The following ADAMTSL1 variants were observed in gnomAD, a reference collection of about 807,000 sequenced individuals.
ADAMTSL1 encodes the protein ADAMTS like 1.
Under a neutral mutation model 201.8 loss-of-function variants are expected in ADAMTSL1, and 126 were observed. The observed-to-expected ratio is 0.62, with a 90% CI of 0.54 to 0.72. The LOEUF (loss-of-function observed/expected upper bound fraction) is 0.72, where lower values mean the gene tolerates loss of function less well. ADAMTSL1 is among the 30% of genes least tolerant of loss of function. The pLI is 0.00. For synonymous variants in ADAMTSL1, 1,121 were observed against 903.4 expected, an observed-to-expected ratio of 1.24 and a Z score of -4.32; for missense variants, 2,679 against 2,277.8, an observed-to-expected ratio of 1.18 and a Z score of -3.59.
chr9:17,937,621 CTA>C (rs1827066434), intron 1 of ADAMTSL1, among the ~76,000 whole-genome samples: 1 of 151,708 alleles, frequency 6.6e-6, no homozygotes, highest in Non-Finnish European at 1.5e-5. Flanking sequence ...ATTTAAATTC[CTA>C]AAATCTTGTT....
chr9:18,551,919 A>T (rs2132226223), intron 3 of ADAMTSL1, among the ~76,000 whole-genome samples: 1 of 151,476 alleles, frequency 6.6e-6, no homozygotes, highest in African/African-American at 2.4e-5. Context: ...TTTCTCTTCA[A>T]CTCTGGCTGT....
chr9:18,891,372 A>G (rs1296669387), intron 25 of ADAMTSL1, among the ~76,000 whole-genome samples: 1 of 143,524 alleles, frequency 7.0e-6, no homozygotes, highest in Non-Finnish European at 1.5e-5. Flanking sequence ...CACTAAAACC[A>G]AAGAGTGGGA....
chr9:18,511,550 C>T (rs935101352), intron 2 of ADAMTSL1, among the ~76,000 whole-genome samples: 3 of 152,014 alleles, frequency 2.0e-5, no homozygotes, highest in African/African-American at 7.2e-5. Context: ...ATTCCAAAGG[C>T]ATGTGGCTGC....
intron 4 of ADAMTSL1, among the ~76,000 whole-genome samples, chr9:18,597,054 A>G (rs577219531): frequency 1.3e-5 from 2 of 152,312 alleles, no homozygotes; most frequent in South Asian, 4.1e-4. Flanking sequence ...GAGACCACAT[A>G]TTACTCATCT....
At chr9:18,130,206 G>C (rs1280102861) in intron 1 of ADAMTSL1, among the ~76,000 whole-genome samples, 3 of 152,088 alleles carry the variant, frequency 2.0e-5, no homozygotes, top group African/African-American at 7.2e-5. Flanking sequence ...TGCCTTCACA[G>C]GGGCATTTTC....
At chr9:18,811,094 G>T (rs974032624) in intron 20 of ADAMTSL1, among the ~76,000 whole-genome samples, 2 of 146,802 alleles carry the variant, frequency 1.4e-5, no homozygotes, top group African/African-American at 5.1e-5. Context: ...GGGAAGCATA[G>T]CAAGACAGAA....
intron 23 of ADAMTSL1, among the ~76,000 whole-genome samples, chr9:18,848,125 C>T (rs1200454943): frequency 6.6e-6 from 1 of 152,082 alleles, no homozygotes; most frequent in Non-Finnish European, 1.5e-5. Context: ...TCTGCCTGGC[C>T]CTGAGCTTCT....
At chr9:18,767,657 C>T (rs546779219) in intron 16 of ADAMTSL1, among the ~76,000 whole-genome samples, 3 of 152,322 alleles carry the variant, frequency 2.0e-5, no homozygotes, top group African/African-American at 7.2e-5. Flanking sequence ...TTCAATGCCA[C>T]AGACATTTAT....
chr9:18,053,576 C>T (rs1014564194), intron 1 of ADAMTSL1, among the ~76,000 whole-genome samples: 6 of 152,202 alleles, frequency 3.9e-5, no homozygotes, highest in Admixed American at 3.9e-4. Context: ...CCTTTCTTGT[C>T]TCAGTCTGAA....
chr9:18,653,619 GAA>G (rs10570129), intron 7 of ADAMTSL1, among the ~76,000 whole-genome samples: 88,986 of 137,884 alleles, frequency 0.65, 27,423 homozygotes, highest in East Asian at 0.77. Flanking sequence ...CTATGAAAAA[GAA>G]AAAAAAAAAA....
intron 22 of ADAMTSL1, among the ~76,000 whole-genome samples, chr9:18,828,695 A>ATATATATATAT (rs59734310): frequency 5.7e-4 from 23 of 40,202 alleles, no homozygotes; most frequent in South Asian, 8.7e-4. Flanking sequence ...TATATATATA[A>ATATATATATAT]AATGTGTGTG....
chr9:17,942,815 A>G (rs1476478886), intron 1 of ADAMTSL1, among the ~76,000 whole-genome samples: 1 of 152,140 alleles, frequency 6.6e-6, no homozygotes, highest in Non-Finnish European at 1.5e-5. Context: ...CTCAATAAAT[A>G]TAGGATTTCT....
At chr9:18,210,481 A>ATT (rs1473216790) in intron 2 of ADAMTSL1, among the ~76,000 whole-genome samples, 1 of 147,196 alleles carries the variant, frequency 6.8e-6, no homozygotes, top group Non-Finnish European at 1.5e-5. Flanking sequence ...TATGATATAT[A>ATT]AATAAATATA....
intron 9 of ADAMTSL1, among the ~76,000 whole-genome samples, chr9:18,672,751 C>G (rs1829898076): frequency 6.6e-6 from 1 of 152,190 alleles, no homozygotes; most frequent in South Asian, 2.1e-4. Context: ...ATTATATAAA[C>G]TTGTCATAAC....
rs1015972271 is a variant in ADAMTSL1 at position 18,909,322 on chromosome 9, G to A, written c.*774G>A. The A allele has an allele frequency of 3.3e-5, 5 of 152,334 alleles. No individual in the cohort carries two copies. The highest frequency in any genetic ancestry group is 7.2e-5 in the African/African-American group (3 of 41,472). 9.4% of individuals were successfully genotyped at this position (152,334 alleles called of 1,614,324 possible). A position where few individuals can be genotyped will look rare whatever the true frequency, so the allele number is the denominator to read the frequency against. Reference sequence around the variant, plus strand: ...GGACCAGCTCTGATCCCATGCATGTGCGCATGCTCAGAGCCCTGCTGCCCA... The same window carrying A: ...GGACCAGCTCTGATCCCATGCATGTACGCATGCTCAGAGCCCTGCTGCCCA... On this transcript the variant is annotated 3_prime_UTR_variant, in exon 29 of 29. Coordinates refer to ENST00000380548, the MANE Select transcript of ADAMTSL1 (RefSeq NM_001040272.6).
chr9:18,779,168 C>T (rs887819848), intron 19 of ADAMTSL1, among the ~76,000 whole-genome samples: 1 of 152,194 alleles, frequency 6.6e-6, no homozygotes, highest in East Asian at 1.9e-4. Flanking sequence ...CCCAAGATCA[C>T]ATTTTAGTAA....
intron 1 of ADAMTSL1, among the ~76,000 whole-genome samples, chr9:18,076,559 T>C (rs1267967591): frequency 2.0e-5 from 3 of 152,146 alleles, no homozygotes; most frequent in Non-Finnish European, 4.4e-5. Flanking sequence ...GGAAGCTGTC[T>C]TGAGAAAGAT....
intron 1 of ADAMTSL1, among the ~76,000 whole-genome samples, chr9:18,012,634 C>G (rs1405764868): frequency 6.6e-6 from 1 of 152,032 alleles, no homozygotes; most frequent in Admixed American, 6.6e-5. Context: ...TGACAGAACA[C>G]CTCACCCTGG....
chr9:18,614,488 G>A (rs1363415114), intron 4 of ADAMTSL1, among the ~76,000 whole-genome samples: 3 of 152,088 alleles, frequency 2.0e-5, no homozygotes, highest in African/African-American at 7.2e-5. Flanking sequence ...AATTTTCAAG[G>A]TTATTACAAG....
Sources: allele counts gnomAD v4.1 joint callset (sites outside exome capture counted in the v4.1 genomes callset), GRCh38; gene constraint gnomAD v4.1.1; transcripts MANE v1.5; gene names NCBI Gene and HGNC (gene_info 2026-07-23, HGNC 2026-07-21).